LMO7: variants seen among roughly 807,000 people sequenced by gnomAD.
LMO7 encodes the protein LIM domain 7, also known as LIM domain only protein 7.
LMO7 carries 120 observed loss-of-function variants against 206.5 expected under a neutral mutation model. The observed-to-expected ratio is 0.58, with a 90% CI of 0.50 to 0.68. LMO7 has a LOEUF of 0.68. LMO7 is among the 30% of genes least tolerant of loss of function. The pLI, the probability that LMO7 is intolerant of heterozygous loss-of-function variation, is 0.00. For synonymous variants in LMO7, 706 were observed against 681.5 expected (o/e 1.04, Z -0.56); for missense variants, 1,959 against 1,957.9 (o/e 1.00, Z -0.01).
chr13:75,820,991 C>A (rs377724131), intron 13 of LMO7, among the ~76,000 whole-genome samples, 186 bp from the exon 14 acceptor site: 1 of 118,058 alleles, frequency 8.5e-6, no homozygotes, highest in Non-Finnish European at 1.9e-5. Context: ...GAGCGAGATT[C>A]GGTCTCAAAA....
intron 15 of LMO7, among the ~76,000 whole-genome samples, chr13:75,825,137 G>C (rs1415828437): frequency 6.6e-6 from 1 of 151,252 alleles, no homozygotes; most frequent in Non-Finnish European, 1.5e-5. Flanking sequence ...TCTTCAGCTT[G>C]CTGAAATAAT....
At chr13:75,705,690 ATTG>A (rs1367288252) in intron 1 of LMO7, among the ~76,000 whole-genome samples, 3 of 152,224 alleles carry the variant, frequency 2.0e-5, no homozygotes, top group East Asian at 1.9e-4. Context: ...TGAATGAGTA[ATTG>A]TTAGATTAGA....
chr13:75,804,570 T>C (rs1226283006), intron 8 of LMO7, 29 bp downstream of exon 8: 1 of 1,598,228 alleles, frequency 6.3e-7, no homozygotes, highest in Non-Finnish European at 8.5e-7. Context: ...TTATTGAGTT[T>C]CGTATGCTTT....
chr13:75,730,413 C>T (rs1194246152), intron 3 of LMO7, among the ~76,000 whole-genome samples: 8 of 151,790 alleles, frequency 5.3e-5, no homozygotes, highest in Middle Eastern at 3.4e-3. Flanking sequence ...AGTTTATTTG[C>T]GTAGAGGGTT....
intron 3 of LMO7, among the ~76,000 whole-genome samples, chr13:75,754,423 C>T (rs1169599630): frequency 5.3e-5 from 8 of 152,096 alleles, no homozygotes; most frequent in Non-Finnish European, 1.2e-4. Context: ...GACATCAGAA[C>T]GGTTTGTACC....
intron 1 of LMO7, among the ~76,000 whole-genome samples, chr13:75,641,548 G>C (rs1332562261): frequency 6.6e-6 from 1 of 152,142 alleles, no homozygotes; most frequent in Non-Finnish European, 1.5e-5. Context: ...CATTTCTTTG[G>C]TAAGCATCCA....
chr13:75,810,209 T>C (rs2056175226), intron 11 of LMO7, among the ~76,000 whole-genome samples: 1 of 152,204 alleles, frequency 6.6e-6, no homozygotes. Flanking sequence ...TGTAACTTTG[T>C]GAATCTAAGG....
At chr13:75,726,940 G>C (rs1253815964) in intron 2 of LMO7, 89 bp from the exon 3 acceptor site, 6 of 740,192 alleles carry the variant, frequency 8.1e-6, no homozygotes, top group Non-Finnish European at 1.5e-5. Context: ...TGAGGGGAGG[G>C]AATAGTGATA....
intron 1 of LMO7, among the ~76,000 whole-genome samples, chr13:75,667,256 A>G (rs1052579906): frequency 2.6e-5 from 4 of 151,718 alleles, no homozygotes; most frequent in Non-Finnish European, 5.9e-5. Flanking sequence ...TTTTCTTTGC[A>G]TTTATTCTGC....
chr13:75,691,638 C>G (rs555911225), intron 1 of LMO7, among the ~76,000 whole-genome samples: 1 of 152,318 alleles, frequency 6.6e-6, no homozygotes, highest in East Asian at 1.9e-4. Context: ...TCTCCTATAG[C>G]CTTCCCCAGT....
At chr13:75,649,376 A>G (rs566283522) in intron 1 of LMO7, among the ~76,000 whole-genome samples, 1 of 152,310 alleles carries the variant, frequency 6.6e-6, no homozygotes, top group East Asian at 1.9e-4. Flanking sequence ...AAAACTAGGA[A>G]TGTGTTAGAG....
chr13:75,750,659 A>G (rs1189350586), intron 3 of LMO7, among the ~76,000 whole-genome samples: 1 of 152,122 alleles, frequency 6.6e-6, no homozygotes, highest in Admixed American at 6.5e-5. Flanking sequence ...GGCCTCCCAA[A>G]GTGCTGGGAT....
intron 3 of LMO7, among the ~76,000 whole-genome samples, chr13:75,732,191 G>A (rs1021529270): frequency 9.2e-5 from 14 of 152,142 alleles, no homozygotes; most frequent in Non-Finnish European, 1.3e-4. Flanking sequence ...GATTGGGGAA[G>A]TTCTCCTGGA....
intron 1 of LMO7, among the ~76,000 whole-genome samples, chr13:75,710,173 G>C (rs9544031): frequency 0.078 from 11,784 of 151,558 alleles, 1,011 homozygotes; most frequent in African/African-American, 0.21. Context: ...TGTTTTGGTA[G>C]CAGTACCATG....
At chr13:75,793,585 G>A (rs2053599591) in intron 4 of LMO7, among the ~76,000 whole-genome samples, 1 of 152,200 alleles carries the variant, frequency 6.6e-6, no homozygotes, top group African/African-American at 2.4e-5. Flanking sequence ...CATTGCTGTG[G>A]ATTTTTATAA....
At chr13:75,645,189 A>G (rs1401013638) in intron 1 of LMO7, among the ~76,000 whole-genome samples, 1 of 152,182 alleles carries the variant, frequency 6.6e-6, no homozygotes, top group Non-Finnish European at 1.5e-5. Flanking sequence ...TGGTTATTGT[A>G]TAGTGCTTCA....
intron 1 of LMO7, among the ~76,000 whole-genome samples, chr13:75,704,307 T>C (rs2042500840): frequency 6.6e-6 from 1 of 152,200 alleles, no homozygotes; most frequent in African/African-American, 2.4e-5. Context: ...ACCACAGTGG[T>C]TTCTAACGTA....
chr13:75,809,072 T>G lies in LMO7; in HGVS notation c.1917-82T>G, dbSNP rs144977255. The G allele has an allele frequency of 2.2e-4, 226 of 1,012,720 alleles. 1 individual carries two copies. In the African/African-American group the frequency reaches 3.3e-3, roughly 15 times the overall value. 62.7% of individuals were successfully genotyped at this position (1,012,720 alleles called of 1,614,324 possible). ...GATTTGTCCGTCTCCAGTTAGATTC[T>G]TAAGTGGAAGACATTGAACGTTTAG... On this transcript the variant is annotated intron_variant, in intron 10 of 30. Coordinates refer to ENST00000377534, the MANE Select transcript of LMO7 (RefSeq NM_001306080.2).
At position 75,845,336 on chromosome 13, in the gene LMO7, C is replaced by A; in HGVS notation, c.4107C>A (p.Ser1369=). 6.5e-7 allele frequency: 1 copy of A among 1,549,060 alleles called. No homozygotes were observed. Among genetic ancestry groups the A allele is most frequent in the South Asian group, 1.1e-5 (1 of 87,382 alleles). ...GTGTTCTGTGTTTTAGGAATAAATC[C>A]AGATCTACTACTGAACTGGATGATT... ...SGFLPGDRNK[S]RSTTELDDYS... The change falls in exon 26 of 31, where the codon TCC becomes TCA. Residue 1369 remains serine, a synonymous_variant. Transcript: ENST00000377534.
Sources: gnomAD v4.1 joint callset for allele counts (sites outside exome capture counted in the v4.1 genomes callset) on GRCh38, gnomAD v4.1.1 for gene constraint, MANE v1.5 for transcripts, NCBI Gene and HGNC (gene_info 2026-07-23, HGNC 2026-07-21) for gene names.